Variants in SEPTIN3 observed in about 807,000 individuals in gnomAD.
SEPTIN3 encodes septin 3.
SEPTIN3 carries 15 observed loss-of-function variants against 45.1 expected under a neutral mutation model. The observed-to-expected ratio is 0.33, with a 90% CI of 0.22 to 0.51. SEPTIN3 has a LOEUF of 0.51. Ranked by LOEUF, SEPTIN3 falls within the 20% of genes least tolerant of loss-of-function variation. The pLI is 0.97. For missense variants in SEPTIN3, 289 were observed against 457.2 expected, an observed-to-expected ratio of 0.63 and a Z score of 3.35; for synonymous variants, 148 against 164.8, an observed-to-expected ratio of 0.90 and a Z score of 0.78.
chr22:41,977,033 C>T, intron 2 of SEPTIN3: 1 of 1,593,292 alleles, frequency 6.3e-7, no homozygotes, highest in Non-Finnish European at 8.5e-7. Context: ...CCCGGAGCAT[C>T]TCCCTGGAGG....
intron 6 of SEPTIN3, among the ~76,000 whole-genome samples, 170 bp from the exon 7 acceptor site, chr22:41,989,397 A>G (rs1308047840): frequency 6.6e-6 from 1 of 152,196 alleles, no homozygotes; most frequent in Non-Finnish European, 1.5e-5. Context: ...AGGCTGCTCT[A>G]CAGACGGCAA....
chr22:41,996,688 G>A, intron 11 of SEPTIN3: 1 of 1,423,256 alleles, frequency 7.0e-7, no homozygotes, highest in Non-Finnish European at 9.2e-7. Context: ...AACAGAACAG[G>A]GATCCTTGGC....
At chr22:41,986,172 G>C in intron 4 of SEPTIN3, 60 bp downstream of exon 4, 1 of 1,586,380 alleles carries the variant, frequency 6.3e-7, no homozygotes, top group South Asian at 1.1e-5. Context: ...GCTGGAAAGG[G>C]GAAAGAATGG....
chr22:41,989,173 GGTT>G (rs947168798), intron 6 of SEPTIN3, among the ~76,000 whole-genome samples: 26 of 147,714 alleles, frequency 1.8e-4, no homozygotes, highest in Non-Finnish European at 2.8e-4. Flanking sequence ...GTTTTTTTTT[GGTT>G]GTTGTTGTTT....
In SEPTIN3 at chr22:41,972,549, A is replaced by G. The variant is rs1436743402; in HGVS notation, c.1057A>G (p.Ile353Val). 1 of 399,038 alleles carries G rather than the reference A, an allele frequency of 2.5e-6. No individual in the cohort carries two copies. The allele number at this position is 399,038 out of a possible 1,614,324, so 24.7% of individuals were successfully genotyped here. ...CAAGCCAGGGATGGTCATGGATTTG[A>G]TAGCCTCAGAACCAGACAAGCTGGG... ...TTKPGMVMDL[I>V]ASEPDKLGKA... The change falls in exon 2 of 12, where the codon ATA becomes GTA. Residue 353 changes from isoleucine to valine, a missense_variant. This residue lies in a region of SEPTIN3 where 200 missense variants were observed against 315.1 expected (regional missense o/e 0.63). Transcript: ENST00000644076.
At position 41,992,848 on chromosome 22, in the gene SEPTIN3, G is replaced by A. The variant is rs73417074; in HGVS notation, c.2359+85G>A. On this transcript the variant is annotated intron_variant, in intron 9 of 11. Transcript: ENST00000644076. ...TTAAGCATCTATAGGTCAAGGCACT[G>A]TCTCAGGACATATGAAATGAATGCC... is the stretch of plus-strand genomic sequence containing the variant. 13,752 of 900,454 alleles carry A rather than the reference G, an allele frequency of 0.015. 935 individuals are homozygous for A. In the African/African-American group the frequency reaches 0.17, roughly 11 times the overall value. The allele number at this position is 900,454 out of a possible 1,614,324, so 55.8% of individuals were successfully genotyped here.
intron 2 of SEPTIN3, among the ~76,000 whole-genome samples, chr22:41,973,603 G>T (rs1225955290): frequency 6.6e-6 from 1 of 152,014 alleles, no homozygotes; most frequent in Non-Finnish European, 1.5e-5. Flanking sequence ...AACCCGGGAG[G>T]TGGAGCTTGC....
intron 9 of SEPTIN3, among the ~76,000 whole-genome samples, chr22:41,993,749 C>T (rs1002785459): frequency 1.3e-5 from 2 of 152,186 alleles, no homozygotes; most frequent in African/African-American, 2.4e-5. Context: ...CTACCTTGGC[C>T]TCCCAAAGTG....
chr22:41,982,335 C>A, intron 3 of SEPTIN3: 1 of 154,742 alleles, frequency 6.5e-6, no homozygotes, highest in Admixed American at 6.4e-5. Flanking sequence ...ATGGAGAAAC[C>A]CCATCTCTGC....
chr22:41,985,947 CAG>C lies in SEPTIN3; in HGVS notation c.1697-34_1697-33del, dbSNP rs768396898. 19 of 1,569,850 alleles carry C rather than the reference CAG, an allele frequency of 1.2e-5. 1 individual carries two copies. The South Asian group carries it at 1.7e-4, about 14-fold the overall frequency. ...AAATATTAGGCTCAGGAGGTGGATG[CAG>C]AGTCTCCCTACCTCCTCCTCCTGCT... On this transcript the variant is annotated intron_variant, in intron 3 of 11. Transcript: ENST00000644076.
At chr22:41,975,737 G>T (rs1214491546) in intron 2 of SEPTIN3, among the ~76,000 whole-genome samples, 2 of 152,004 alleles carry the variant, frequency 1.3e-5, no homozygotes, top group Non-Finnish European at 1.5e-5. Context: ...CCACCTTGTT[G>T]GTTTACCTCC....
intron 2 of SEPTIN3, among the ~76,000 whole-genome samples, chr22:41,977,638 G>A (rs1043656799): frequency 1.3e-5 from 2 of 151,900 alleles, no homozygotes; most frequent in Admixed American, 6.6e-5. Flanking sequence ...TTGCCTTTGT[G>A]GGGGGCGGTG....
Position 41,972,170 on chromosome 22 carries a change from C to CAG in SEPTIN3, c.681_682dup (p.Ala228GlufsTer28). ...TCTCAGTGACTGACCACATGCCTACCAGAGCTTCTCCAGGAAAAGGCAAGC... is the reference window on the plus strand; with the variant it reads ...TCTCAGTGACTGACCACATGCCTACCAGAGAGCTTCTCCAGGAAAAGGCAAGC... On this transcript the variant is annotated frameshift_variant, in exon 2 of 12. Coordinates refer to ENST00000644076, the MANE Select transcript of SEPTIN3 (RefSeq NM_001363845.2). LOFTEE classifies it high-confidence loss of function. 1 of 399,156 alleles carries CAG rather than the reference C, an allele frequency of 2.5e-6. No individual in the cohort carries two copies. The highest frequency in any genetic ancestry group is 4.4e-6 in the Non-Finnish European group (1 of 226,156). The allele number at this position is 399,156 out of a possible 1,614,324, so 24.7% of individuals were successfully genotyped here.
chr22:41,988,121 A>G (rs133295), intron 6 of SEPTIN3, among the ~76,000 whole-genome samples: 128,807 of 152,074 alleles, frequency 0.85, 54,864 homozygotes, highest in African/African-American at 0.95. Context: ...TTGGAGTCGG[A>G]GGGAGCAGCA....
rs200804068 is a variant in SEPTIN3 at position 41,991,701 on chromosome 22, G to A, written c.2259+33G>A. The A allele has an allele frequency of 2.9e-6, 4 of 1,365,364 alleles. No homozygotes were observed. The East Asian group carries it at 6.8e-5, about 23-fold the overall frequency. The allele number at this position is 1,365,364 out of a possible 1,614,324, so 84.6% of individuals were successfully genotyped here. A position where few individuals can be genotyped will look rare whatever the true frequency, so the allele number is the denominator to read the frequency against. ...CCTGGGGCACTGCTCCTCCACTGAT[G>A]CCCCCTTGCGACCTCTGGGATGTGT... On this transcript the variant is annotated intron_variant, in intron 8 of 11. Transcript: ENST00000644076.
At chr22:41,995,383 G>A (rs769446805) in intron 11 of SEPTIN3, 371 of 986,750 alleles carry the variant, frequency 3.8e-4, no homozygotes, top group Non-Finnish European at 4.3e-4. Context: ...CCTTCAGTCT[G>A]TGTCGTGTTC....
rs2078022781 is a variant in SEPTIN3 at position 41,976,526 on chromosome 22, C to T, written c.1504+3530C>T. 6.6e-6 allele frequency: 1 copy of T among 152,438 alleles called. No individual in the cohort carries two copies. The allele number at this position is 152,438 out of a possible 1,614,324, so 9.4% of individuals were successfully genotyped here. A position where few individuals can be genotyped will look rare whatever the true frequency, so the allele number is the denominator to read the frequency against. On this transcript the variant is annotated intron_variant, in intron 2 of 11. Transcript: ENST00000644076. This position sits in a 1 kb window ranked among gnomAD's most constrained non-coding sequence, Gnocchi z 5.8. ...CGTGACTCACGCGCGCTCACGGCCG[C>T]CCGCAGCTGCCACTGGTCCCCTGCG...
intron 3 of SEPTIN3, chr22:41,982,100 C>T (rs1023238814): frequency 1.3e-5 from 6 of 479,348 alleles, no homozygotes; most frequent in African/African-American, 1.2e-4. Context: ...CACTCTGATC[C>T]TGCTTTTGGG....
At position 41,994,242 on chromosome 22, in the gene SEPTIN3, T is replaced by C. The variant is rs1304595700; in HGVS notation, c.2360-48T>C. 1 of 1,586,140 alleles carries C rather than the reference T, an allele frequency of 6.3e-7. No homozygotes were observed. The highest frequency in any genetic ancestry group is 1.7e-5 in the Admixed American group (1 of 59,978). ...GAAGCTCACCTCCTGGGTGTTGCTG[T>C]ATTAATGAACTGACTACCTGTTTTG... On this transcript the variant is annotated intron_variant, in intron 9 of 11. Transcript: ENST00000644076. This position sits in a 1 kb window ranked among gnomAD's most constrained non-coding sequence, Gnocchi z 4.2.
Sources: allele counts gnomAD v4.1 joint callset (sites outside exome capture counted in the v4.1 genomes callset), GRCh38; gene constraint gnomAD v4.1.1; regional missense constraint gnomAD v4.1.1; non-coding constraint Gnocchi (gnomAD v3.1); transcripts MANE v1.5; gene names NCBI Gene and HGNC (gene_info 2026-07-23, HGNC 2026-07-21).